Variants in MAN1A1 observed in about 807,000 individuals in gnomAD.
MAN1A1 encodes the protein mannosyl-oligosaccharide 1,2-alpha-mannosidase IA.
Under a neutral mutation model 70.8 loss-of-function variants are expected in MAN1A1, and 29 were observed. The observed-to-expected ratio is 0.41, with a 90% CI of 0.31 to 0.56. The LOEUF is 0.56. Among genes scored for constraint, MAN1A1 ranks in the 20% least tolerant of loss-of-function variants. MAN1A1 has a pLI of 0.29. For synonymous variants in MAN1A1, 349 were observed against 330.1 expected (o/e 1.06, Z -0.62); for missense variants, 747 against 841.3 (o/e 0.89, Z 1.39).
chr6:119,347,211 TA>T (rs1773753007), intron 2 of MAN1A1, among the ~76,000 whole-genome samples: 1 of 152,158 alleles, frequency 6.6e-6, no homozygotes, highest in African/African-American at 2.4e-5. Context: ...CAGCTGATCT[TA>T]TAATACAAAG....
At chr6:119,292,173 A>C (rs980717907) in intron 4 of MAN1A1, among the ~76,000 whole-genome samples, 1 of 152,062 alleles carries the variant, frequency 6.6e-6, no homozygotes, top group African/African-American at 2.4e-5. Flanking sequence ...TTGATTAGTA[A>C]ATAGATCTGT....
chr6:119,205,306 A>C (rs925918910), intron 6 of MAN1A1, among the ~76,000 whole-genome samples: 3 of 152,198 alleles, frequency 2.0e-5, no homozygotes, highest in African/African-American at 7.2e-5. Flanking sequence ...TTATATACAA[A>C]ATTTTATGTG....
chr6:119,216,085 G>A (rs1476577301), intron 6 of MAN1A1, among the ~76,000 whole-genome samples: 2 of 152,186 alleles, frequency 1.3e-5, no homozygotes, highest in African/African-American at 4.8e-5. Flanking sequence ...TCAGTGAGGG[G>A]ACTCCAGTGC....
chr6:119,290,611 A>G lies in MAN1A1; in HGVS notation c.897+72T>C, dbSNP rs148472854. On this transcript the variant is annotated intron_variant, in intron 5 of 12. Coordinates refer to ENST00000368468, the MANE Select transcript of MAN1A1 (RefSeq NM_005907.4). ...GATTCCTTCTAAATATATGTCACGA[A>G]TGGCATATTTTACCAAAAATGTAGT... 1,415 of 987,170 alleles carry G rather than the reference A, an allele frequency of 1.4e-3. 12 individuals are homozygous for G. In the African/African-American group the frequency reaches 0.02, roughly 14 times the overall value. 61.2% of individuals were successfully genotyped at this position (987,170 alleles called of 1,614,324 possible).
At position 119,349,540 on chromosome 6, in the gene MAN1A1, A is replaced by G; in HGVS notation, c.-223+2T>C. The G allele has an allele frequency of 1.0e-6, 1 of 985,968 alleles. No individual in the cohort carries two copies. The allele number at this position is 985,968 out of a possible 1,614,324, so 61.1% of individuals were successfully genotyped here. On this transcript the variant is annotated splice_donor_variant, in intron 1 of 12. Coordinates refer to ENST00000368468, the MANE Select transcript of MAN1A1 (RefSeq NM_005907.4). LOFTEE classifies it low-confidence loss of function (5UTR_SPLICE). ...CGAGCACCTCGGGGAGGGGCAGCGC[A>G]CCTCTGGGCAGGAGGGGCGCAGCGT... is the stretch of plus-strand genomic sequence containing the variant.
intron 6 of MAN1A1, among the ~76,000 whole-genome samples, chr6:119,239,981 T>G (rs1774958367): frequency 6.6e-6 from 1 of 152,258 alleles, no homozygotes; most frequent in East Asian, 1.9e-4. Flanking sequence ...AAACTTGAGA[T>G]GAAAGCCACT....
intron 4 of MAN1A1, among the ~76,000 whole-genome samples, chr6:119,293,892 T>A (rs1302774598): frequency 6.6e-6 from 1 of 152,088 alleles, no homozygotes; most frequent in Admixed American, 6.6e-5. Flanking sequence ...ATAACTAATT[T>A]ATTCTGAGTC....
intron 11 of MAN1A1, among the ~76,000 whole-genome samples, chr6:119,182,279 C>G (rs1465419683): frequency 6.6e-6 from 1 of 152,100 alleles, no homozygotes; most frequent in Non-Finnish European, 1.5e-5. Flanking sequence ...AACCCCTTAT[C>G]AGATATATGG....
intron 2 of MAN1A1, among the ~76,000 whole-genome samples, chr6:119,334,954 G>A (rs563666705): frequency 6.6e-6 from 1 of 152,176 alleles, no homozygotes; most frequent in Non-Finnish European, 1.5e-5. Context: ...CCAGAAGTCA[G>A]AAGTAACTGG....
chr6:119,331,569 G>C (rs1254405897), intron 2 of MAN1A1, among the ~76,000 whole-genome samples: 1 of 29,128 alleles, frequency 3.4e-5, no homozygotes, highest in African/African-American at 1.4e-4. Flanking sequence ...TACATATTAT[G>C]CATATATATA....
At chr6:119,234,278 G>T (rs538891440) in intron 6 of MAN1A1, among the ~76,000 whole-genome samples, 1 of 152,188 alleles carries the variant, frequency 6.6e-6, no homozygotes, top group African/African-American at 2.4e-5. Flanking sequence ...ATTCATGTTT[G>T]CATTTAACTT....
chr6:119,345,543 G>A (rs772502069), intron 2 of MAN1A1, among the ~76,000 whole-genome samples: 5 of 152,176 alleles, frequency 3.3e-5, no homozygotes, highest in Non-Finnish European at 7.4e-5. Flanking sequence ...TTTTTGTGAA[G>A]CATTCTGTAC....
chr6:119,212,830 A>G (rs1030979600), intron 6 of MAN1A1, among the ~76,000 whole-genome samples: 1 of 152,202 alleles, frequency 6.6e-6, no homozygotes, highest in African/African-American at 2.4e-5. Context: ...TCCGGATATT[A>G]AACTACTTAG....
chr6:119,257,401 G>T lies in MAN1A1; in HGVS notation c.898-9047C>A, dbSNP rs773426581. ...GCCTCCCATTTATGGTAAGTGGAGA[G>T]ATTTCTGGGTCATCAAGGTTATGAG... On this transcript the variant is annotated intron_variant, in intron 5 of 12. Transcript: ENST00000368468. 2.0e-4 allele frequency among the ~76,000 whole-genome samples: 31 copies of T among 152,290 alleles called. No homozygotes were observed. In the Middle Eastern group the frequency reaches 0.014, roughly 67 times the overall value.
chr6:119,261,810 G>A (rs899658269), intron 5 of MAN1A1, among the ~76,000 whole-genome samples: 2 of 152,110 alleles, frequency 1.3e-5, no homozygotes, highest in African/African-American at 2.4e-5. Flanking sequence ...TTCTGAGACT[G>A]GCCAACATCC....
At chr6:119,329,913 A>C (rs764902221) in intron 2 of MAN1A1, among the ~76,000 whole-genome samples, 1 of 152,132 alleles carries the variant, frequency 6.6e-6, no homozygotes, top group Non-Finnish European at 1.5e-5. Flanking sequence ...AACACTTCTT[A>C]GTCCTTATCT....
In MAN1A1 at chr6:119,281,813, T is replaced by G. The variant is rs1193797354; in HGVS notation, c.897+8870A>C. Among the ~76,000 whole-genome samples, 3 of 152,138 alleles carry G rather than the reference T, an allele frequency of 2.0e-5. No individual in the cohort carries two copies. In the East Asian group the frequency reaches 5.8e-4, roughly 29 times the overall value. ...GGCTCATACCTCTAATCCCAGCACTTTGAGAGGCCAAGGTGGGTGGATCAT... is the reference window on the plus strand; with the variant it reads ...GGCTCATACCTCTAATCCCAGCACTGTGAGAGGCCAAGGTGGGTGGATCAT... On this transcript the variant is annotated intron_variant, in intron 5 of 12. Coordinates refer to ENST00000368468, the MANE Select transcript of MAN1A1 (RefSeq NM_005907.4).
At chr6:119,255,960 TTA>T (rs1775446882) in intron 5 of MAN1A1, among the ~76,000 whole-genome samples, 1 of 152,252 alleles carries the variant, frequency 6.6e-6, no homozygotes, top group Admixed American at 6.5e-5. Context: ...CTTTTGTCAA[TTA>T]CTTTGTTTTT....
At chr6:119,315,429 GTTCTGT>G (rs1444879563) in intron 2 of MAN1A1, among the ~76,000 whole-genome samples, 1 of 152,130 alleles carries the variant, frequency 6.6e-6, no homozygotes, top group Non-Finnish European at 1.5e-5. Flanking sequence ...TGGACAGATT[GTTCTGT>G]TTCTAAGAAG....
Sources: allele counts gnomAD v4.1 joint callset (sites outside exome capture counted in the v4.1 genomes callset), GRCh38; gene constraint gnomAD v4.1.1; transcripts MANE v1.5; gene names NCBI Gene and HGNC (gene_info 2026-07-23, HGNC 2026-07-21).